STX3: variants seen among roughly 807,000 people sequenced by gnomAD.
STX3 encodes the protein syntaxin 3.
Under a neutral mutation model 40.2 loss-of-function variants are expected in STX3, and 19 were observed. The ratio of observed to expected loss-of-function variants is 0.47; its 90% CI spans 0.33 to 0.69. The LOEUF is 0.69. Among genes scored for constraint, STX3 ranks in the 30% least tolerant of loss-of-function variants. STX3 has a pLI of 0.02. For synonymous variants in STX3, 122 were observed against 132.2 expected, an observed-to-expected ratio of 0.92 and a Z score of 0.53; for missense variants, 364 against 366.7, an observed-to-expected ratio of 0.99 and a Z score of 0.06.
intron 2 of STX3, among the ~76,000 whole-genome samples, chr11:59,783,781 G>A (rs769930429): frequency 1.2e-4 from 19 of 152,138 alleles, no homozygotes; most frequent in Non-Finnish European, 2.5e-4. Context: ...GCAAAGCCAC[G>A]AAGTTCAAAA....
intron 10 of STX3, 171 bp from the exon 11 acceptor site, chr11:59,800,684 T>C (rs1021117387): frequency 1.0e-6 from 1 of 985,288 alleles, no homozygotes; most frequent in African/African-American, 1.7e-5. Flanking sequence ...AGTAGGGCTT[T>C]TTGTTCTTTG....
chr11:59,792,173 C>T lies in STX3; in HGVS notation c.424C>T (p.Arg142Ter), dbSNP rs372990138. The change falls in exon 6 of 11, where the codon CGA (arginine) becomes TGA (stop). Residue 142 changes from arginine to a stop codon, truncating the protein, a stop_gained. Coordinates refer to ENST00000337979, the MANE Select transcript of STX3 (RefSeq NM_004177.5). LOFTEE classifies it high-confidence loss of function. ...ATACAATGAAGCTCAAGTGGACTTC[C>T]GAGAACGCAGCAAAGGGCGAATCCA... ...TKYNEAQVDFRERSKGRIQRQ... is the reference protein window; with the variant it reads ...TKYNEAQVDF 8 of 1,613,962 alleles carry T rather than the reference C, an allele frequency of 5.0e-6. No homozygotes were observed. The highest frequency in any genetic ancestry group is 2.2e-5 in the East Asian group (1 of 44,896).
intron 1 of STX3, among the ~76,000 whole-genome samples, chr11:59,755,855 C>T (rs1295592229): frequency 6.6e-6 from 1 of 152,210 alleles, no homozygotes; most frequent in Non-Finnish European, 1.5e-5. Flanking sequence ...TCCTGAACGC[C>T]TCTAACTCTC....
At position 59,772,196 on chromosome 11, in the gene STX3, G is replaced by T. The variant is rs551335838; in HGVS notation, c.31-1015G>T. ...ATGAAGCTTGTGAAGAAGCAGGTGTGGGGGGTTTATCCCCTGCCTCACCTC... is the reference window on the plus strand; with the variant it reads ...ATGAAGCTTGTGAAGAAGCAGGTGTTGGGGGTTTATCCCCTGCCTCACCTC... On this transcript the variant is annotated intron_variant, in intron 1 of 10. Transcript: ENST00000337979. 2.0e-4 allele frequency among the ~76,000 whole-genome samples: 31 copies of T among 152,336 alleles called. No homozygotes were observed. In the South Asian group the frequency reaches 6.2e-3, roughly 31 times the overall value.
intron 1 of STX3, among the ~76,000 whole-genome samples, chr11:59,759,618 G>A (rs1328654528): frequency 6.6e-6 from 1 of 152,174 alleles, no homozygotes; most frequent in African/African-American, 2.4e-5. Context: ...GTAGAGGACT[G>A]GAAATGACGT....
At chr11:59,777,687 A>G (rs916803548) in intron 2 of STX3, among the ~76,000 whole-genome samples, 1 of 152,216 alleles carries the variant, frequency 6.6e-6, no homozygotes, top group Non-Finnish European at 1.5e-5. Flanking sequence ...GGTCAGCATC[A>G]CTGTGATCCT....
chr11:59,802,688 CTT>C lies in STX3; in HGVS notation c.*1866_*1867del, dbSNP rs1342731973. On this transcript the variant is annotated 3_prime_UTR_variant, in exon 11 of 11. Transcript: ENST00000337979. ...ATTGCTAATTTAAAAATAAAAATGA[CTT>C]TGTATTGATTGTGAAACGGTTCTGG... The C allele has an allele frequency of 7.1e-6, 7 of 985,536 alleles. No homozygotes were observed. Among genetic ancestry groups the C allele is most frequent in the Non-Finnish European group, 8.4e-6 (7 of 829,800 alleles). The allele number at this position is 985,536 out of a possible 1,614,324, so 61.0% of individuals were successfully genotyped here.
rs1262874936 is a variant in STX3 at position 59,797,292 on chromosome 11, AT to A, written c.798del (p.Ile267SerfsTer4). 1.2e-6 allele frequency: 2 copies of A among 1,613,192 alleles called. No individual in the cohort carries two copies. Among genetic ancestry groups the A allele is most frequent in the Non-Finnish European group, 1.7e-6 (2 of 1,179,364 alleles). On this transcript the variant is annotated frameshift_variant, in exon 10 of 11. Coordinates refer to ENST00000337979, the MANE Select transcript of STX3 (RefSeq NM_004177.5). LOFTEE classifies it high-confidence loss of function. Reference protein sequence around the residue: ...YQSQARKKLIIIIVLVVVLLG... With the variant: ...YQSQARKKLIXIIVLVVVLLG... ...TTATTCCTCTCTCCAGAAATTGATA[AT>A]TATCATTGTGCTAGTAGTTGTGTTG... is the stretch of plus-strand genomic sequence containing the variant.
At chr11:59,754,943 C>CGGGATCCCCCCACTTTCA (rs758734004), upstream of STX3, 750 of 152,486 alleles carry the variant, frequency 4.9e-3, 3 homozygotes, top group African/African-American at 7.0e-3. Context: ...TGCCAGCAGC[C>CGGGATCCCCCCACTTTCA]CTGAGGCTGC....
In STX3 at chr11:59,757,752, C is replaced by CTTA. The variant is rs1862802031; in HGVS notation, c.30+2118_30+2119insTAT. ...ATCACTGTGCTTCTTTGCGTCACTT[C>CTTA]TCTGCTTCTCAATTCCTCCTTTATA... On this transcript the variant is annotated intron_variant, in intron 1 of 10. Transcript: ENST00000337979. Among the ~76,000 whole-genome samples the CTTA allele has an allele frequency of 2.0e-5, 3 of 146,406 alleles. No homozygotes were observed. The Admixed American group carries it at 2.1e-4, about 10-fold the overall frequency.
intron 1 of STX3, among the ~76,000 whole-genome samples, chr11:59,768,030 T>TA (rs1863365315): frequency 6.6e-6 from 1 of 152,214 alleles, no homozygotes; most frequent in Non-Finnish European, 1.5e-5. Context: ...ATTGAGTTCT[T>TA]ACTGTGTGCT....
chr11:59,776,518 C>A (rs569239661), intron 2 of STX3, among the ~76,000 whole-genome samples: 2 of 152,144 alleles, frequency 1.3e-5, no homozygotes, highest in Admixed American at 1.3e-4. Context: ...GAGAGATTGT[C>A]CCCCTCTATG....
chr11:59,783,327 A>G (rs1454329189), intron 2 of STX3, among the ~76,000 whole-genome samples: 2 of 152,148 alleles, frequency 1.3e-5, no homozygotes, highest in Admixed American at 1.3e-4. Flanking sequence ...GGTTCAGGAG[A>G]CAGGATTTAG....
At chr11:59,788,512 C>G (rs572072) in intron 3 of STX3, among the ~76,000 whole-genome samples, 16,433 of 152,212 alleles carry the variant, frequency 0.11, 1,111 homozygotes, top group South Asian at 0.2. Context: ...CTATTTTCCC[C>G]ATAAGCTCCC....
intron 5 of STX3, among the ~76,000 whole-genome samples, chr11:59,791,108 A>G (rs1399693046): frequency 6.6e-6 from 1 of 152,208 alleles, no homozygotes; most frequent in Non-Finnish European, 1.5e-5. Flanking sequence ...GGGTAGCCAG[A>G]GGAGGCTGGG....
Position 59,796,470 on chromosome 11 carries a change from C to G in STX3, c.787-813C>G, listed in dbSNP as rs142086374. Among the ~76,000 whole-genome samples, 750 of 152,292 alleles carry G rather than the reference C, an allele frequency of 4.9e-3. 1 individual carries two copies. The highest frequency in any genetic ancestry group is 7.6e-3 in the Non-Finnish European group (515 of 68,014). The stretch of plus-strand genomic sequence containing the variant: ...TTCTTTGTTTTTCATCCAACTTTAC[C>G]TATTGCTTATGCAGGGATTTAGGGG... On this transcript the variant is annotated intron_variant, in intron 9 of 10. Coordinates refer to ENST00000337979, the MANE Select transcript of STX3 (RefSeq NM_004177.5).
intron 10 of STX3, 199 bp from the exon 11 acceptor site, chr11:59,800,656 A>G (rs559092392): frequency 2.9e-5 from 29 of 985,130 alleles, no homozygotes; most frequent in African/African-American, 3.5e-5. Flanking sequence ...AGGCTTTTCT[A>G]TTTTTTTCCC....
rs1865620996 is a variant in STX3, at chr11:59,797,965, C to T, written c.*30+569C>T. On this transcript the variant is annotated intron_variant, in intron 10 of 10. Coordinates refer to ENST00000337979, the MANE Select transcript of STX3 (RefSeq NM_004177.5). ...ACATATCATTGAATCCTTACAACAT[C>T]CTTTGAGACAGATACAGTGTTATGC... is the stretch of plus-strand genomic sequence containing the variant. 2.0e-5 allele frequency among the ~76,000 whole-genome samples: 3 copies of T among 152,162 alleles called. No homozygotes were observed. The South Asian group carries it at 6.2e-4, about 31-fold the overall frequency.
intron 8 of STX3, among the ~76,000 whole-genome samples, chr11:59,794,190 A>C (rs1383948057): frequency 6.6e-6 from 1 of 151,996 alleles, no homozygotes; most frequent in Non-Finnish European, 1.5e-5. Context: ...TGACAGAAAG[A>C]CTCGAAACAC....
Sources: allele counts gnomAD v4.1 joint callset (sites outside exome capture counted in the v4.1 genomes callset), GRCh38; gene constraint gnomAD v4.1.1; transcripts MANE v1.5; gene names NCBI Gene and HGNC (gene_info 2026-07-23, HGNC 2026-07-21).